Variants in ATR observed in about 807,000 individuals in gnomAD.
ATR encodes the protein serine/threonine-protein kinase ATR.
A neutral mutation model predicts 305.3 loss-of-function variants in ATR; 142 were observed. That is an observed-to-expected ratio of 0.47 (90% CI 0.41 to 0.53). The LOEUF (loss-of-function observed/expected upper bound fraction) is 0.53. Among genes scored for constraint, ATR ranks in the 20% least tolerant of loss-of-function variants. The pLI is 0.00. For missense variants in ATR, 2,135 were observed against 3,133.1 expected, an observed-to-expected ratio of 0.68 and a Z score of 7.60; for synonymous variants, 1,050 against 1,068.1, an observed-to-expected ratio of 0.98 and a Z score of 0.33.
At chr3:142,535,296 A>G (rs1170802449) in intron 20 of ATR, 91 bp from the exon 21 acceptor site, 1 of 1,397,296 alleles carries the variant, frequency 7.2e-7, no homozygotes, top group African/African-American at 1.4e-5. Context: ...AGTTACCATT[A>G]AACTATACCA....
intron 36 of ATR, among the ~76,000 whole-genome samples, chr3:142,479,966 G>C (rs920525196): frequency 6.6e-6 from 1 of 152,162 alleles, no homozygotes; most frequent in African/African-American, 2.4e-5. Context: ...CTCTGCATTG[G>C]TTATTCTAGT....
intron 44 of ATR, among the ~76,000 whole-genome samples, chr3:142,458,136 C>A (rs2070947122): frequency 6.6e-6 from 1 of 152,172 alleles, no homozygotes; most frequent in Non-Finnish European, 1.5e-5. Flanking sequence ...TTCTTTAACA[C>A]TTTCATCTTA....
At chr3:142,513,693 CAA>C (rs1393054162) in intron 25 of ATR, 55 bp from the exon 26 acceptor site, 1 of 1,530,518 alleles carries the variant, frequency 6.5e-7, no homozygotes, top group Non-Finnish European at 9.0e-7. Flanking sequence ...GATTAAATGT[CAA>C]AGAGTAGCAT....
At chr3:142,451,780 G>A in intron 46 of ATR, 1 of 1,206,864 alleles carries the variant, frequency 8.3e-7, no homozygotes, top group Non-Finnish European at 1.1e-6. Context: ...GTAGAGACCA[G>A]GGCTGGCTTT....
At chr3:142,530,615 T>G (rs2033602204) in intron 21 of ATR, among the ~76,000 whole-genome samples, 1 of 152,220 alleles carries the variant, frequency 6.6e-6, no homozygotes, top group Non-Finnish European at 1.5e-5. Context: ...GTTTTCTTCA[T>G]GAATAGCTTT....
chr3:142,458,653 T>C (rs756381284), intron 44 of ATR, among the ~76,000 whole-genome samples: 13 of 152,150 alleles, frequency 8.5e-5, no homozygotes, highest in Non-Finnish European at 1.3e-4. Context: ...TCTCTAAAAC[T>C]GAGTCTCAGT....
chr3:142,466,262 C>T, intron 40 of ATR, 62 bp downstream of exon 40: 1 of 1,498,310 alleles, frequency 6.7e-7, no homozygotes, highest in Non-Finnish European at 9.3e-7. Flanking sequence ...CACTTTTTAT[C>T]TTAATTTGAA....
chr3:142,559,162 C>A, intron 7 of ATR, 89 bp downstream of exon 7: 1 of 1,379,948 alleles, frequency 7.2e-7, no homozygotes, highest in Non-Finnish European at 1.0e-6. Flanking sequence ...ATTCCAAACA[C>A]GCACTTAGGC....
At chr3:142,552,108 G>GT (rs145744920) in intron 13 of ATR, among the ~76,000 whole-genome samples, 95,142 of 151,902 alleles carry the variant, frequency 0.63, 30,760 homozygotes, top group African/African-American at 0.79. Context: ...TCTCACGCCA[G>GT]CAGAATGGCT....
rs918889258 is a variant in ATR at position 142,496,709 on chromosome 3, A to C, written c.5739-189T>G. 1.4e-4 allele frequency among the ~76,000 whole-genome samples: 21 copies of C among 152,134 alleles called. 1 individual carries two copies. The highest frequency in any genetic ancestry group is 1.3e-4 in the Admixed American group (2 of 15,276). ...GAATTAATTATTAATTTGTTTAAAA[A>C]GCCTTGACTTAACTTTTCTTACAGT... is the stretch of plus-strand genomic sequence containing the variant. On this transcript the variant is annotated intron_variant, in intron 33 of 46. Coordinates refer to ENST00000350721, the MANE Select transcript of ATR (RefSeq NM_001184.4).
intron 39 of ATR, among the ~76,000 whole-genome samples, chr3:142,467,521 C>T (rs1454272880): frequency 6.6e-6 from 1 of 152,130 alleles, no homozygotes; most frequent in Non-Finnish European, 1.5e-5. Flanking sequence ...ACCCTCTTCC[C>T]TATCGTAAGT....
intron 23 of ATR, among the ~76,000 whole-genome samples, chr3:142,521,679 G>C (rs1387948785): frequency 6.6e-6 from 1 of 152,170 alleles, no homozygotes; most frequent in Admixed American, 6.5e-5. Flanking sequence ...GAAGTAACTA[G>C]AGATGTGATA....
At chr3:142,499,593 C>T (rs369279690) in intron 31 of ATR, 34 bp downstream of exon 31, 18 of 1,602,922 alleles carry the variant, frequency 1.1e-5, no homozygotes, top group East Asian at 4.5e-5. Flanking sequence ...CGCACCCATC[C>T]TAAAACTGCT....
intron 30 of ATR, among the ~76,000 whole-genome samples, chr3:142,501,136 G>C (rs753272454): frequency 6.6e-6 from 1 of 152,122 alleles, no homozygotes; most frequent in Non-Finnish European, 1.5e-5. Context: ...GCTTCACCAT[G>C]ACACAGCACC....
chr3:142,533,704 A>G (rs1345568217), intron 21 of ATR, among the ~76,000 whole-genome samples: 2 of 152,130 alleles, frequency 1.3e-5, no homozygotes, highest in African/African-American at 4.8e-5. Flanking sequence ...CCAGTTATAG[A>G]TGCTAAACTA....
chr3:142,501,177 C>T (rs1022101966), intron 30 of ATR, among the ~76,000 whole-genome samples: 8 of 152,130 alleles, frequency 5.3e-5, no homozygotes, highest in Admixed American at 4.6e-4. Flanking sequence ...ATGCCTTTTT[C>T]ACAACCCAAA....
rs767102663 is a variant in ATR at position 142,459,286 on chromosome 3, G to A, written c.7290C>T (p.Pro2430=). The change falls in exon 43 of 47, where the codon CCC becomes CCT. Residue 2430 remains proline (P), a synonymous_variant. Coordinates refer to ENST00000350721, the MANE Select transcript of ATR (RefSeq NM_001184.4). ...KLKVFREFLL[P]RHPPIFHEWF... is the part of the protein sequence containing the mutation. ...ACTCATGAAAAATAGGAGGATGCCTGGGCAGGAGAAATTCTCGGAATACTT... is the reference window on the plus strand; with the variant it reads ...ACTCATGAAAAATAGGAGGATGCCTAGGCAGGAGAAATTCTCGGAATACTT... 1.9e-6 allele frequency: 3 copies of A among 1,613,834 alleles called. No individual in the cohort carries two copies. In the African/African-American group the frequency reaches 4.0e-5, roughly 22 times the overall value.
intron 21 of ATR, among the ~76,000 whole-genome samples, chr3:142,529,353 G>A (rs78180263): frequency 6.6e-6 from 1 of 151,722 alleles, no homozygotes; most frequent in African/African-American, 2.4e-5. Context: ...TCCAGTTATT[G>A]CCTATGCAAC....
intron 23 of ATR, among the ~76,000 whole-genome samples, chr3:142,520,707 G>A (rs77754688): frequency 0.04 from 6,095 of 151,916 alleles, 407 homozygotes; most frequent in African/African-American, 0.14. Context: ...CTCAAGGGGC[G>A]CTTCTTAAAA....
Sources: gnomAD v4.1 joint callset for allele counts (sites outside exome capture counted in the v4.1 genomes callset) on GRCh38, gnomAD v4.1.1 for gene constraint, MANE v1.5 for transcripts, NCBI Gene and HGNC (gene_info 2026-07-23, HGNC 2026-07-21) for gene names.